The following KIF13B variants were observed in gnomAD, a reference collection of about 807,000 sequenced individuals.
The protein encoded by KIF13B is kinesin-like protein KIF13B.
In KIF13B, 127 loss-of-function variants were observed where a neutral mutation model predicts 222.0. That is an observed-to-expected ratio of 0.57 (90% confidence interval 0.50 to 0.66). KIF13B has a LOEUF of 0.66. Ranked by LOEUF, KIF13B falls within the 30% of genes least tolerant of loss-of-function variation. The probability of loss-of-function intolerance (pLI) is 0.00; values close to 1 mark genes in which losing one functional copy is unlikely to be tolerated. For synonymous variants in KIF13B, 976 were observed against 919.0 expected (o/e 1.06, Z -1.12); for missense variants, 2,173 against 2,379.0 (o/e 0.91, Z 1.80).
intron 14 of KIF13B, 109 bp downstream of exon 14, chr8:29,155,617 G>A (rs1811485733): frequency 1.1e-6 from 1 of 910,896 alleles, no homozygotes; most frequent in Non-Finnish European, 1.7e-6. Context: ...CAACCAACTG[G>A]ATTACTTAAT....
intron 37 of KIF13B, among the ~76,000 whole-genome samples, chr8:29,075,998 G>A (rs1391796605): frequency 1.3e-5 from 2 of 152,242 alleles, no homozygotes; most frequent in Non-Finnish European, 2.9e-5. Context: ...TCCAGTGACA[G>A]AGCAGGGGGA....
At chr8:29,136,911 T>C (rs1810586451) in intron 21 of KIF13B, among the ~76,000 whole-genome samples, 1 of 150,280 alleles carries the variant, frequency 6.7e-6, no homozygotes, top group Non-Finnish European at 1.5e-5. Flanking sequence ...ACCATTCTCC[T>C]GCCTCAGCCT....
chr8:29,207,149 C>T (rs957838195), intron 2 of KIF13B, among the ~76,000 whole-genome samples: 7 of 152,194 alleles, frequency 4.6e-5, no homozygotes, highest in Non-Finnish European at 7.3e-5. Context: ...AGGCTCTCCA[C>T]AGCACCACCA....
At chr8:29,128,134 TAATATA>T (rs1235565583) in intron 24 of KIF13B, among the ~76,000 whole-genome samples, 1 of 149,266 alleles carries the variant, frequency 6.7e-6, no homozygotes, top group Non-Finnish European at 1.5e-5. Context: ...TATATATCAT[TAATATA>T]AATATAAATA....
chr8:29,075,568 G>T (rs1378082760), intron 37 of KIF13B, among the ~76,000 whole-genome samples: 1 of 143,162 alleles, frequency 7.0e-6, no homozygotes, highest in Non-Finnish European at 1.5e-5. Context: ...AACACACATG[G>T]TGCACTTACA....
At chr8:29,136,795 G>GTTTTT (rs1203051867) in intron 21 of KIF13B, among the ~76,000 whole-genome samples, 25 of 116,836 alleles carry the variant, frequency 2.1e-4, no homozygotes, top group African/African-American at 7.2e-4. Context: ...CCTGTAACAG[G>GTTTTT]TTTTTTTTTT....
intron 1 of KIF13B, 143 bp from the exon 2 acceptor site, chr8:29,245,582 T>C: frequency 3.2e-6 from 2 of 615,412 alleles, no homozygotes; most frequent in East Asian, 5.7e-5. Context: ...CTTCCTCCAC[T>C]TGATAAGGAG....
At chr8:29,132,258 A>C (rs1156267289) in intron 23 of KIF13B, 50 bp downstream of exon 23, 2 of 1,346,360 alleles carry the variant, frequency 1.5e-6, no homozygotes, top group Admixed American at 2.8e-5. Flanking sequence ...AAAAAACAAA[A>C]AAAAAATTAC....
rs561557672 is a variant in KIF13B at position 29,116,917 on chromosome 8, C to T, written c.3751G>A (p.Val1251Met). The T allele has an allele frequency of 5.6e-6, 9 of 1,613,526 alleles. No individual in the cohort carries two copies. The highest frequency in any genetic ancestry group is 2.7e-5 in the African/African-American group (2 of 75,028). ...TPVDERLFLIVRVTVQLSHPA... is the reference protein window; with the variant it reads ...TPVDERLFLIMRVTVQLSHPA... Reference sequence around the variant, plus strand: ...TGGCTGAGCTGGACCGTCACGCGCACGATCAGGAACAACCGCTCGTCCACG... The same window carrying T: ...TGGCTGAGCTGGACCGTCACGCGCATGATCAGGAACAACCGCTCGTCCACG... Residue 1251 changes from valine to methionine, a missense_variant, in exon 31 of 40, where the codon GTG (valine) becomes ATG (methionine). Coordinates refer to ENST00000524189, the MANE Select transcript of KIF13B (RefSeq NM_015254.4).
At chr8:29,228,262 G>A (rs915045156) in intron 2 of KIF13B, among the ~76,000 whole-genome samples, 3 of 150,940 alleles carry the variant, frequency 2.0e-5, no homozygotes, top group African/African-American at 4.9e-5. Flanking sequence ...TCAGGAGGTC[G>A]AGACCATCCT....
intron 1 of KIF13B, 93 bp downstream of exon 1, chr8:29,262,887 C>A: frequency 9.8e-7 from 1 of 1,020,886 alleles, no homozygotes. Flanking sequence ...ACTATAGGGG[C>A]GGGGCCGCCG....
chr8:29,250,862 T>C (rs10503851), intron 1 of KIF13B, among the ~76,000 whole-genome samples: 32,439 of 152,148 alleles, frequency 0.21, 4,817 homozygotes, highest in East Asian at 0.59. Context: ...ATGTTACTAG[T>C]TGAATTAAAT....
intron 10 of KIF13B, among the ~76,000 whole-genome samples, chr8:29,173,880 T>C (rs1009630945): frequency 2.6e-5 from 4 of 151,208 alleles, no homozygotes; most frequent in African/African-American, 9.7e-5. Flanking sequence ...GAGGTGGAAG[T>C]TGCAGTGAGC....
At chr8:29,233,660 T>TA (rs1563812463) in intron 2 of KIF13B, among the ~76,000 whole-genome samples, 1 of 152,262 alleles carries the variant, frequency 6.6e-6, no homozygotes, top group African/African-American at 2.4e-5. Flanking sequence ...TTATAGCTGA[T>TA]AGATATTTTT....
chr8:29,125,668 A>G (rs1231007356), intron 26 of KIF13B, among the ~76,000 whole-genome samples: 2 of 152,194 alleles, frequency 1.3e-5, no homozygotes, highest in African/African-American at 2.4e-5. Context: ...GAGCCCTGAC[A>G]GTCCTGAACG....
In KIF13B at chr8:29,072,072, G is replaced by A; in HGVS notation, c.4766C>T (p.Ala1589Val). The change falls in exon 39 of 40, where the codon GCG becomes GTG. Residue 1589 changes from alanine (A) to valine (V), a missense_variant. Physicochemically the swap from Ala to Val is moderately conservative, Grantham distance 64. Coordinates refer to ENST00000524189, the MANE Select transcript of KIF13B (RefSeq NM_015254.4). Reference protein sequence around the residue: ...SDALGPGLDAAAPPGSMPTAP... With the variant: ...SDALGPGLDAVAPPGSMPTAP... ...GGTGGGCATGGACCCCGGCGGGGCCGCAGCGTCCAGGCCGGGGCCCAGGGC... is the reference window on the plus strand; with the variant it reads ...GGTGGGCATGGACCCCGGCGGGGCCACAGCGTCCAGGCCGGGGCCCAGGGC... 1.5e-6 allele frequency: 2 copies of A among 1,316,196 alleles called. No homozygotes were observed. The highest frequency in any genetic ancestry group is 2.3e-5 in the South Asian group (1 of 43,586). The allele number at this position is 1,316,196 out of a possible 1,614,324, so 81.5% of individuals were successfully genotyped here.
chr8:29,165,472 G>A (rs1250531764), intron 12 of KIF13B, among the ~76,000 whole-genome samples, 190 bp downstream of exon 12: 1 of 152,100 alleles, frequency 6.6e-6, no homozygotes, highest in Non-Finnish European at 1.5e-5. Flanking sequence ...ACAATCAAGT[G>A]CAATTATATC....
At chr8:29,165,219 T>C (rs1811942668) in intron 12 of KIF13B, among the ~76,000 whole-genome samples, 1 of 152,166 alleles carries the variant, frequency 6.6e-6, no homozygotes, top group South Asian at 2.1e-4. Context: ...GATTTAGGAA[T>C]TTCATCTTAC....
intron 1 of KIF13B, among the ~76,000 whole-genome samples, chr8:29,250,705 A>G (rs1410499215): frequency 6.6e-6 from 1 of 152,246 alleles, no homozygotes; most frequent in Admixed American, 6.5e-5. Flanking sequence ...ACTGTTGAGA[A>G]TATGTATACG....
Sources: gnomAD v4.1 joint callset for allele counts (sites outside exome capture counted in the v4.1 genomes callset) on GRCh38, gnomAD v4.1.1 for gene constraint, MANE v1.5 for transcripts, NCBI Gene and HGNC (gene_info 2026-07-23, HGNC 2026-07-21) for gene names.